The following ZFPM2 variants were observed in gnomAD, a reference collection of about 807,000 sequenced individuals.
ZFPM2 encodes the protein zinc finger protein, FOG family member 2, also known as zinc finger protein ZFPM2.
Under a neutral mutation model 98.6 loss-of-function variants are expected in ZFPM2, and 20 were observed. The ratio of observed to expected loss-of-function variants is 0.20; its 90% CI spans 0.14 to 0.29. The LOEUF is 0.29. Among genes scored for constraint, ZFPM2 ranks in the 10% least tolerant of loss-of-function variants. The pLI, the probability that ZFPM2 is intolerant of heterozygous loss-of-function variation, is 1.00. For synonymous variants in ZFPM2, 518 were observed against 502.7 expected, an observed-to-expected ratio of 1.03 and a Z score of -0.41; for missense variants, 1,310 against 1,388.6, an observed-to-expected ratio of 0.94 and a Z score of 0.90.
At chr8:105,719,886 T>A (rs1811616599) in intron 5 of ZFPM2, among the ~76,000 whole-genome samples, 1 of 151,954 alleles carries the variant, frequency 6.6e-6, no homozygotes, top group Non-Finnish European at 1.5e-5. Flanking sequence ...CATTTTCAAA[T>A]TAAATTTAAC....
intron 4 of ZFPM2, among the ~76,000 whole-genome samples, chr8:105,626,373 AG>A (rs1353164792): frequency 1.3e-5 from 2 of 152,192 alleles, no homozygotes; most frequent in Non-Finnish European, 2.9e-5. Context: ...CATAGTTAAA[AG>A]GAGAGTGATA....
chr8:105,383,176 A>G (rs1474238976), intron 1 of ZFPM2, among the ~76,000 whole-genome samples: 1 of 152,108 alleles, frequency 6.6e-6, no homozygotes, highest in Non-Finnish European at 1.5e-5. Flanking sequence ...TTTAGGCTGT[A>G]TGGTCATCAA....
At chr8:105,580,720 A>G (rs1363593962) in intron 4 of ZFPM2, among the ~76,000 whole-genome samples, 4 of 151,934 alleles carry the variant, frequency 2.6e-5, no homozygotes, top group Non-Finnish European at 4.4e-5. Flanking sequence ...AAACTAAGAT[A>G]TAGTTTGGCC....
Position 105,793,731 on chromosome 8 carries a change from C to T in ZFPM2, c.739+4807C>T, listed in dbSNP as rs571004149. 1.8e-4 allele frequency among the ~76,000 whole-genome samples: 28 copies of T among 152,162 alleles called. No individual in the cohort carries two copies. In the East Asian group the frequency reaches 2.3e-3, roughly 13 times the overall value. On this transcript the variant is annotated intron_variant, in intron 6 of 7. Coordinates refer to ENST00000407775, the MANE Select transcript of ZFPM2 (RefSeq NM_012082.4). ...ATCACTTTCAGATACACCAATCAGA[C>T]GTAGATTTGGTCTTTTCACATAGTC...
intron 1 of ZFPM2, among the ~76,000 whole-genome samples, chr8:105,330,611 CACATATATAT>C (rs1482464541): frequency 0.058 from 4,419 of 76,092 alleles, 164 homozygotes; most frequent in Non-Finnish European, 0.081. Context: ...TATATATATA[CACATATATAT>C]ATATATATAT....
chr8:105,555,259 T>TA (rs1266004297), intron 3 of ZFPM2, among the ~76,000 whole-genome samples: 2 of 152,144 alleles, frequency 1.3e-5, no homozygotes, highest in Non-Finnish European at 2.9e-5. Context: ...CCCAGCATGT[T>TA]AAAAAATCAG....
chr8:105,447,915 T>C (rs1425740338), intron 3 of ZFPM2, among the ~76,000 whole-genome samples: 3 of 152,138 alleles, frequency 2.0e-5, no homozygotes, highest in African/African-American at 4.8e-5. Flanking sequence ...CTAAAAGATA[T>C]GTTTTGTTAT....
intron 5 of ZFPM2, among the ~76,000 whole-genome samples, chr8:105,751,741 T>G (rs1424616775): frequency 6.6e-6 from 1 of 151,894 alleles, no homozygotes; most frequent in East Asian, 1.9e-4. Flanking sequence ...GCTACGTTTA[T>G]GTAGCTTTTA....
At chr8:105,800,169 A>G (rs1233314588) in intron 7 of ZFPM2, among the ~76,000 whole-genome samples, 2 of 152,174 alleles carry the variant, frequency 1.3e-5, no homozygotes, top group Non-Finnish European at 2.9e-5. Context: ...TTTTATGACT[A>G]CAGGACTAGG....
intron 3 of ZFPM2, among the ~76,000 whole-genome samples, chr8:105,514,790 G>C (rs1263389319): frequency 6.6e-6 from 1 of 152,150 alleles, no homozygotes; most frequent in African/African-American, 2.4e-5. Context: ...CTGTGTGAAT[G>C]TTTGAATTTT....
intron 3 of ZFPM2, among the ~76,000 whole-genome samples, chr8:105,500,916 A>G (rs151060802): frequency 2.5e-4 from 38 of 152,296 alleles, no homozygotes; most frequent in African/African-American, 7.9e-4. Flanking sequence ...GAAAAACGTA[A>G]AGAAGAAAGA....
rs1194255664 is a variant in ZFPM2, at chr8:105,667,036, A to G, written c.532+32679A>G. Among the ~76,000 whole-genome samples the G allele has an allele frequency of 3.9e-5, 6 of 152,234 alleles. No homozygotes were observed. In the South Asian group the frequency reaches 8.3e-4, roughly 21 times the overall value. The stretch of plus-strand genomic sequence containing the variant: ...TAAAAGTGGAATTAGCCACTTTTTC[A>G]TAGAACACAGTTTTTATTTGAAAGA... On this transcript the variant is annotated intron_variant, in intron 5 of 7. Coordinates refer to ENST00000407775, the MANE Select transcript of ZFPM2 (RefSeq NM_012082.4).
chr8:105,802,645 G>A lies in ZFPM2; in HGVS notation c.2563G>A (p.Glu855Lys), dbSNP rs1367801617. Residue 855 changes from glutamate (E) to lysine (K), a missense_variant, in exon 8 of 8, where the codon GAG becomes AAG. Physicochemically the swap from Glu to Lys is moderately conservative, Grantham distance 56. Transcript: ENST00000407775. ...TSPKRLLDYHECTVCKISFNK... is the reference protein window; with the variant it reads ...TSPKRLLDYHKCTVCKISFNK... ...TCCCAAAAGGCTGCTGGACTATCAC[G>A]AGTGCACTGTGTGCAAGATCAGTTT... 3.7e-6 allele frequency: 6 copies of A among 1,610,874 alleles called. No homozygotes were observed. In the African/African-American group the frequency reaches 4.0e-5, roughly 11 times the overall value.
chr8:105,610,460 T>A lies in ZFPM2; in HGVS notation c.421-23786T>A, dbSNP rs149238552. On this transcript the variant is annotated intron_variant, in intron 4 of 7. Coordinates refer to ENST00000407775, the MANE Select transcript of ZFPM2 (RefSeq NM_012082.4). ...AAGGTCAACATCTTTACCTTTAACT[T>A]TTACTGAAAATGAGTCTGTATTTAC... Among the ~76,000 whole-genome samples the A allele has an allele frequency of 2.2e-3, 338 of 152,226 alleles. 2 individuals are homozygous for A. Among genetic ancestry groups the A allele is most frequent in the African/African-American group, 7.6e-3 (315 of 41,538 alleles).
intron 5 of ZFPM2, among the ~76,000 whole-genome samples, chr8:105,641,180 G>A (rs758498283): frequency 4.6e-5 from 7 of 151,980 alleles, no homozygotes; most frequent in South Asian, 2.1e-4. Flanking sequence ...ACAAAATTGC[G>A]CCCTAAAGGA....
chr8:105,660,620 CACAT>C (rs1376395981), intron 5 of ZFPM2, among the ~76,000 whole-genome samples: 1 of 152,136 alleles, frequency 6.6e-6, no homozygotes, highest in Non-Finnish European at 1.5e-5. Flanking sequence ...TCTATATACA[CACAT>C]ACATATATGT....
chr8:105,349,427 T>C (rs575986056), intron 1 of ZFPM2, among the ~76,000 whole-genome samples: 1 of 152,278 alleles, frequency 6.6e-6, no homozygotes, highest in African/African-American at 2.4e-5. Context: ...TGCTCTTAGG[T>C]ATCCTTGTAC....
intron 5 of ZFPM2, among the ~76,000 whole-genome samples, chr8:105,715,392 T>A (rs1586215640): frequency 7.4e-6 from 1 of 135,202 alleles, no homozygotes; most frequent in Non-Finnish European, 1.5e-5. Context: ...GGCTATAGAG[T>A]GAGACCCCAT....
intron 5 of ZFPM2, among the ~76,000 whole-genome samples, chr8:105,651,505 A>G (rs1382026555): frequency 7.9e-5 from 12 of 151,554 alleles, no homozygotes; most frequent in African/African-American, 2.9e-4. Flanking sequence ...TTGCTTGCTT[A>G]TATCTACCCT....
Sources: gnomAD v4.1 joint callset for allele counts (sites outside exome capture counted in the v4.1 genomes callset) on GRCh38, gnomAD v4.1.1 for gene constraint, MANE v1.5 for transcripts, NCBI Gene and HGNC (gene_info 2026-07-23, HGNC 2026-07-21) for gene names.